OTUD7B: variants seen among roughly 807,000 people sequenced by gnomAD.
OTUD7B encodes the protein OTU domain-containing protein 7B.
OTUD7B carries 34 observed loss-of-function variants against 82.2 expected under a neutral mutation model. The observed-to-expected ratio is 0.41, with a 90% CI of 0.31 to 0.55. OTUD7B has a LOEUF of 0.55. Ranked by LOEUF, OTUD7B falls within the 20% of genes least tolerant of loss-of-function variation. The probability of loss-of-function intolerance (pLI) is 0.20; values close to 1 mark genes in which losing one functional copy is unlikely to be tolerated. For missense variants in OTUD7B, 944 were observed against 1,062.1 expected, an observed-to-expected ratio of 0.89 and a Z score of 1.55; for synonymous variants, 398 against 402.7, an observed-to-expected ratio of 0.99 and a Z score of 0.14.
intron 1 of OTUD7B, among the ~76,000 whole-genome samples, chr1:149,987,364 G>A (rs1559857309): frequency 6.6e-6 from 1 of 152,158 alleles, no homozygotes; most frequent in Non-Finnish European, 1.5e-5. Context: ...GAAAGAACTG[G>A]CTCTGGATTC....
chr1:150,042,142 C>CCTCT, the OTUD7B span, among the ~76,000 whole-genome samples: 6 of 121,588 alleles, frequency 4.9e-5, no homozygotes, highest in Admixed American at 8.6e-5. Flanking sequence ...TCCCTCCCTC[C>CCTCT]CTTCCTTCCT....
At position 149,944,633 on chromosome 1, in the gene OTUD7B, T is replaced by C. The variant is rs782239349; in HGVS notation, c.1756A>G (p.Ser586Gly). The change falls in exon 12 of 12, where the codon AGC (serine) becomes GGC (glycine). Residue 586 changes from serine to glycine, a missense_variant. Ser to Gly is a moderately conservative substitution (Grantham distance 56). Transcript: ENST00000581312. The stretch of plus-strand genomic sequence containing the variant: ...TGCATCACCTCCTGGCTATACTTGC[T>C]CCCTCCGTTACCAACAGACTCAGCT... ...PPAESVGNGG[S>G]KYSQEVMQSL... 4 of 1,613,970 alleles carry C rather than the reference T, an allele frequency of 2.5e-6. No individual in the cohort carries two copies. The South Asian group carries it at 4.4e-5, about 18-fold the overall frequency.
chr1:150,011,156 TC>T (rs587649997), upstream of OTUD7B, among the ~76,000 whole-genome samples: 99 of 152,320 alleles, frequency 6.5e-4, no homozygotes, highest in African/African-American at 2.3e-3. Context: ...CACACCAGTC[TC>T]CACCCAATTA....
At chr1:150,018,905 G>A in the OTUD7B span, among the ~76,000 whole-genome samples, 1 of 151,934 alleles carries the variant, frequency 6.6e-6, no homozygotes, top group African/African-American at 2.4e-5. Flanking sequence ...AATGATATCT[G>A]CAGGCCTTTA....
chr1:150,064,521 G>A, the OTUD7B span, among the ~76,000 whole-genome samples: 5 of 126,934 alleles, frequency 3.9e-5, no homozygotes, highest in Non-Finnish European at 5.5e-5. Context: ...AGATGTACCC[G>A]CTACACCTAG....
chr1:149,995,947 T>C lies in OTUD7B; in HGVS notation c.-67+14501A>G, dbSNP rs1398670714. On this transcript the variant is annotated intron_variant, in intron 1 of 11. Coordinates refer to ENST00000581312, the MANE Select transcript of OTUD7B (RefSeq NM_020205.4). ...TGTTTCCAACCTCAAAACTCTTTTC[T>C]AGTCCTCTGAATACAGAAAGCTTTT... 3.3e-5 allele frequency among the ~76,000 whole-genome samples: 5 copies of C among 152,250 alleles called. No individual in the cohort carries two copies. The East Asian group carries it at 9.6e-4, about 29-fold the overall frequency.
chr1:150,060,934 T>C, the OTUD7B span, among the ~76,000 whole-genome samples: 1 of 152,160 alleles, frequency 6.6e-6, no homozygotes, highest in African/African-American at 2.4e-5. Flanking sequence ...TCTTTTCTTT[T>C]TTTTCTGAGA....
upstream of OTUD7B, among the ~76,000 whole-genome samples, chr1:150,012,069 A>G (rs1553787540): frequency 1.3e-5 from 2 of 152,264 alleles, no homozygotes; most frequent in Non-Finnish European, 2.9e-5. Context: ...GGCATATCCA[A>G]GACATACAAT....
At chr1:150,014,542 A>T (rs1553788131), upstream of OTUD7B, among the ~76,000 whole-genome samples, 1 of 152,188 alleles carries the variant, frequency 6.6e-6, no homozygotes, top group East Asian at 1.9e-4. Flanking sequence ...GTGAATGTTC[A>T]CTATAGCTTT....
At chr1:150,051,229 CAAAAAAA>C in the OTUD7B span, among the ~76,000 whole-genome samples, 2 of 97,004 alleles carry the variant, frequency 2.1e-5, no homozygotes, top group African/African-American at 8.2e-5. Flanking sequence ...GACTTCGCCT[CAAAAAAA>C]AAAAAAAAAA....
intron 2 of OTUD7B, among the ~76,000 whole-genome samples, chr1:149,972,037 T>C (rs1464018726): frequency 2.6e-5 from 4 of 152,214 alleles, no homozygotes; most frequent in East Asian, 1.9e-4. Context: ...TTTAGTTCCA[T>C]AATCGAGATT....
rs782403662 is a variant in OTUD7B, at chr1:149,964,346, A to G, written c.608T>C (p.Met203Thr). Residue 203 changes from methionine (M) to threonine (T), a missense_variant, in exon 6 of 12, where the codon ATG becomes ACG. By Grantham distance (81) the Met-to-Thr change is moderately conservative. Around this residue, in one of 3 missense-constraint regions of OTUD7B, gnomAD observed 530 missense variants for 625.6 expected, o/e 0.85. Transcript: ENST00000581312. Reference protein sequence around the residue: ...NCLLHAASLGMWGFHDRDLML... With the variant: ...NCLLHAASLGTWGFHDRDLML... ...CAAGTCCCGATCATGGAAACCCCACATTCCTGTGGCAAAAAAGCATAATGG... is the reference window on the plus strand; with the variant it reads ...CAAGTCCCGATCATGGAAACCCCACGTTCCTGTGGCAAAAAAGCATAATGG... 1.2e-6 allele frequency: 2 copies of G among 1,612,642 alleles called. No individual in the cohort carries two copies. Among genetic ancestry groups the G allele is most frequent in the Non-Finnish European group, 1.7e-6 (2 of 1,179,432 alleles).
At chr1:149,975,370 C>T (rs1650236530) in intron 2 of OTUD7B, among the ~76,000 whole-genome samples, 1 of 152,250 alleles carries the variant, frequency 6.6e-6, no homozygotes, top group Admixed American at 6.5e-5. Context: ...TACAGCCATA[C>T]TCTGAAACCA....
Position 149,971,111 on chromosome 1 carries a change from T to A in OTUD7B, c.226A>T (p.Thr76Ser), listed in dbSNP as rs781976010. The change falls in exon 3 of 12, where the codon ACT (threonine) becomes TCT (serine). Residue 76 changes from threonine to serine, a missense_variant. This residue lies in a region of OTUD7B where 530 missense variants were observed against 625.6 expected (regional missense o/e 0.85). Transcript: ENST00000581312. ...PEKGFSDREP[T>S]RPPRPILQRQ... ...TGGAGGATGGGTCGGGGAGGGCGAG[T>A]AGGCTCTCTGTCAGAAAACCCTTTT... 6.2e-7 allele frequency: 1 copy of A among 1,612,644 alleles called. No homozygotes were observed. Among genetic ancestry groups the A allele is most frequent in the South Asian group, 1.1e-5 (1 of 90,948 alleles).
In OTUD7B at chr1:149,992,467, G is replaced by GTGTT. The variant is rs1651640939; in HGVS notation, c.-66-14892_-66-14891insAACA. ...TATCTAAATTGTTTTGTGTGCATGT[G>GTGTT]TTTTTTTTTTTTTTTTTTTTTTTTT... On this transcript the variant is annotated intron_variant, in intron 1 of 11. Coordinates refer to ENST00000581312, the MANE Select transcript of OTUD7B (RefSeq NM_020205.4). Among the ~76,000 whole-genome samples the GTGTT allele has an allele frequency of 6.5e-5, 4 of 61,560 alleles. 1 individual carries two copies. The highest frequency in any genetic ancestry group is 1.5e-3 in the South Asian group (2 of 1,292). The allele number at this position is 61,560 out of a possible 152,430, so 40.4% of individuals were successfully genotyped here.
the OTUD7B span, among the ~76,000 whole-genome samples, chr1:150,023,253 A>G: frequency 6.6e-6 from 1 of 152,258 alleles, no homozygotes; most frequent in African/African-American, 2.4e-5. Context: ...AAATAAATAT[A>G]GAATTACCAT....
chr1:150,045,473 C>G, the OTUD7B span, among the ~76,000 whole-genome samples: 2 of 152,018 alleles, frequency 1.3e-5, no homozygotes, highest in Non-Finnish European at 2.9e-5. Context: ...TGATCTACAC[C>G]CCCTTTAATT....
At chr1:149,947,929 T>C (rs190715244) in intron 10 of OTUD7B, among the ~76,000 whole-genome samples, 31 of 152,238 alleles carry the variant, frequency 2.0e-4, no homozygotes, top group Non-Finnish European at 3.8e-4. Flanking sequence ...TTTTTCTTGC[T>C]ATTAAATTCC....
intron 1 of OTUD7B, among the ~76,000 whole-genome samples, chr1:149,994,606 A>AAAAAAAAC (rs1447768451): frequency 3.1e-5 from 3 of 96,732 alleles, no homozygotes; most frequent in Non-Finnish European, 3.8e-5. Flanking sequence ...AAAAAAAAAA[A>AAAAAAAAC]CCCAATTTTT....
Sources: allele counts gnomAD v4.1 joint callset (sites outside exome capture counted in the v4.1 genomes callset), GRCh38; gene constraint gnomAD v4.1.1; regional missense constraint gnomAD v4.1.1; transcripts MANE v1.5; gene names NCBI Gene and HGNC (gene_info 2026-07-23, HGNC 2026-07-21).